The following METTL15 variants were observed in gnomAD, a reference collection of about 807,000 sequenced individuals.
METTL15 encodes the protein 12S rRNA N(4)-cytidine methyltransferase METTL15.
A neutral mutation model predicts 38.3 loss-of-function variants in METTL15; 34 were observed. The observed-to-expected ratio is 0.89, with a 90% CI of 0.68 to 1.18. METTL15 has a LOEUF of 1.18. Among genes scored for constraint, METTL15 ranks in the 50% most tolerant of loss-of-function variants. METTL15 has a pLI of 0.00. For missense variants in METTL15, 438 were observed against 498.4 expected (o/e 0.88, Z 1.15); for synonymous variants, 162 against 170.9 (o/e 0.95, Z 0.41).
At chr11:28,147,050 G>A (rs538298315) in intron 3 of METTL15, among the ~76,000 whole-genome samples, 104 of 152,014 alleles carry the variant, frequency 6.8e-4, no homozygotes, top group African/African-American at 2.3e-3. Context: ...GAGCAAGTAT[G>A]TTCTGGCAAA....
At chr11:28,164,705 C>T (rs1179330161) in intron 3 of METTL15, among the ~76,000 whole-genome samples, 1 of 151,896 alleles carries the variant, frequency 6.6e-6, no homozygotes, top group Non-Finnish European at 1.5e-5. Flanking sequence ...CTGAAATATA[C>T]ATTATTATAC....
At chr11:28,471,879 C>T (rs1851306242) in intron 6 of METTL15, among the ~76,000 whole-genome samples, 1 of 151,988 alleles carries the variant, frequency 6.6e-6, no homozygotes, top group African/African-American at 2.4e-5. Context: ...ACATCATTCT[C>T]TGTGGGGGGA....
rs183179995 is a variant in METTL15, at chr11:28,475,668, A to C, written c.*425-50810A>C. The stretch of plus-strand genomic sequence containing the variant: ...TCAGAGTGTTATCTTTTAGGCTCCC[A>C]AGGTTGCAGTTCTCTAGTTGAGATT... On this transcript the variant is annotated intron_variant and NMD_transcript_variant, in intron 6 of 7. Transcript: ENST00000532947. 1.3e-4 allele frequency among the ~76,000 whole-genome samples: 20 copies of C among 152,282 alleles called. No homozygotes were observed. In the East Asian group the frequency reaches 3.7e-3, roughly 28 times the overall value.
intron 5 of METTL15, among the ~76,000 whole-genome samples, chr11:28,403,358 TG>T (rs1850646551): frequency 6.6e-6 from 1 of 152,026 alleles, no homozygotes; most frequent in Non-Finnish European, 1.5e-5. Flanking sequence ...TTTCCTTGTC[TG>T]TAAACTTGTT....
intron 5 of METTL15, among the ~76,000 whole-genome samples, chr11:28,378,262 C>T (rs1420290249): frequency 6.6e-6 from 1 of 152,220 alleles, no homozygotes; most frequent in Non-Finnish European, 1.5e-5. Context: ...AGCCTCACTG[C>T]TGCCTTGCAG....
intron 5 of METTL15, among the ~76,000 whole-genome samples, chr11:28,381,560 T>G (rs1427966957): frequency 4.6e-5 from 7 of 152,168 alleles, no homozygotes. Flanking sequence ...TTCTTTTTTC[T>G]TTTTTATCCT....
At chr11:28,355,073 C>A (rs1010903072) in intron 4 of METTL15, among the ~76,000 whole-genome samples, 9 of 152,186 alleles carry the variant, frequency 5.9e-5, no homozygotes, top group African/African-American at 2.2e-4. Context: ...AGCACTCCCA[C>A]AGAGCACAAA....
downstream of METTL15, among the ~76,000 whole-genome samples, chr11:28,335,791 T>A (rs898193144): frequency 6.6e-6 from 1 of 152,138 alleles, no homozygotes. Context: ...CATAAGAGGA[T>A]CCACCCTGAA....
At chr11:28,418,984 G>C (rs143630386) in intron 5 of METTL15, among the ~76,000 whole-genome samples, 40 of 152,312 alleles carry the variant, frequency 2.6e-4, no homozygotes, top group African/African-American at 9.6e-4. Flanking sequence ...TTGAAAGGCA[G>C]TTTAGGCCCA....
At chr11:28,239,413 G>A (rs374397179) in intron 4 of METTL15, among the ~76,000 whole-genome samples, 2 of 152,268 alleles carry the variant, frequency 1.3e-5, no homozygotes, top group East Asian at 3.9e-4. Flanking sequence ...TACCTTCAAG[G>A]TGTATATGAA....
At chr11:28,285,991 ATAT>A (rs1311177882) in intron 4 of METTL15, among the ~76,000 whole-genome samples, 10 of 152,180 alleles carry the variant, frequency 6.6e-5, no homozygotes, top group Admixed American at 6.6e-4. Flanking sequence ...TTGAGCAGAG[ATAT>A]TATATCTATC....
intron 5 of METTL15, among the ~76,000 whole-genome samples, chr11:28,397,841 G>A (rs568770355): frequency 2.0e-5 from 3 of 152,084 alleles, no homozygotes; most frequent in South Asian, 2.1e-4. Context: ...AACTAACCCA[G>A]ATGTCCATCA....
chr11:28,464,290 G>A (rs766753769), intron 6 of METTL15, among the ~76,000 whole-genome samples: 2 of 152,114 alleles, frequency 1.3e-5, no homozygotes, highest in African/African-American at 2.4e-5. Flanking sequence ...CCATTACCTA[G>A]TACAGGGGCT....
intron 4 of METTL15, among the ~76,000 whole-genome samples, chr11:28,284,156 A>G (rs1340827898): frequency 6.6e-6 from 1 of 152,214 alleles, no homozygotes; most frequent in Non-Finnish European, 1.5e-5. Flanking sequence ...CTGATGTAGC[A>G]TCAGAAAACT....
rs181945249 is a variant in METTL15, at chr11:28,128,885, A to G, written c.270+15281A>G. The stretch of plus-strand genomic sequence containing the variant: ...TACTAATGGTGTTTTAGGAGAGTAC[A>G]AATACATTAAATTCACTATACTGTA... On this transcript the variant is annotated intron_variant, in intron 3 of 6. Transcript: ENST00000407364. 9.1e-4 allele frequency among the ~76,000 whole-genome samples: 138 copies of G among 152,326 alleles called. 1 individual carries two copies. The highest frequency in any genetic ancestry group is 3.3e-3 in the African/African-American group (137 of 41,580).
intron 3 of METTL15, among the ~76,000 whole-genome samples, chr11:28,172,880 C>G (rs1283862042): frequency 1.3e-5 from 2 of 152,148 alleles, no homozygotes; most frequent in Non-Finnish European, 2.9e-5. Flanking sequence ...AAGAATATCT[C>G]TCCTTTTGTT....
At chr11:28,275,367 A>G (rs76284311) in intron 4 of METTL15, among the ~76,000 whole-genome samples, 2,662 of 152,060 alleles carry the variant, frequency 0.018, 30 homozygotes, top group South Asian at 0.028. Flanking sequence ...GAAGAAATGG[A>G]TAAATTCTGA....
At chr11:28,194,939 AG>A (rs1442377921) in intron 3 of METTL15, among the ~76,000 whole-genome samples, 1 of 151,922 alleles carries the variant, frequency 6.6e-6, no homozygotes, top group Non-Finnish European at 1.5e-5. Context: ...TTTATAAGGG[AG>A]AACATGGAGT....
At chr11:28,458,314 T>C (rs978326274) in intron 6 of METTL15, among the ~76,000 whole-genome samples, 11 of 152,202 alleles carry the variant, frequency 7.2e-5, no homozygotes, top group Non-Finnish European at 1.5e-5. Context: ...ACAGCTACCA[T>C]TTGTTATTTT....
Sources: gnomAD v4.1 joint callset for allele counts (sites outside exome capture counted in the v4.1 genomes callset) on GRCh38, gnomAD v4.1.1 for gene constraint, MANE v1.5 for transcripts, NCBI Gene and HGNC (gene_info 2026-07-23, HGNC 2026-07-21) for gene names.